The following ASPHD1 variants were observed in gnomAD, a reference collection of about 807,000 sequenced individuals.
ASPHD1 encodes the protein aspartate beta-hydroxylase domain-containing protein 1.
ASPHD1 carries 20 observed loss-of-function variants against 28.3 expected under a neutral mutation model. The ratio of observed to expected loss-of-function variants is 0.71; its 90% CI spans 0.50 to 1.03. ASPHD1 has a LOEUF of 1.03. ASPHD1 is among the 50% of genes least tolerant of loss of function. ASPHD1 has a pLI of 0.00. For synonymous variants in ASPHD1, 240 were observed against 221.2 expected (o/e 1.08, Z -0.75); for missense variants, 479 against 524.1 (o/e 0.91, Z 0.84).
Position 29,917,085 on chromosome 16 carries a change from GTC to G in ASPHD1, c.*63-2445_*63-2444del, listed in dbSNP as rs1597023275. 2.6e-5 allele frequency among the ~76,000 whole-genome samples: 4 copies of G among 152,270 alleles called. No homozygotes were observed. The East Asian group carries it at 7.7e-4, about 29-fold the overall frequency. On this transcript the variant is annotated intron_variant and NMD_transcript_variant, in intron 3 of 3. Transcript: ENST00000414952. ...CTGTCATTTCTGCAATGTCCTATTGGTCATACACAAGGGTCTCCTTGGTGAGG... is the reference window on the plus strand; with the variant it reads ...CTGTCATTTCTGCAATGTCCTATTGGATACACAAGGGTCTCCTTGGTGAGG...
intron 3 of ASPHD1, chr16:29,911,556 T>C (rs1258963763): frequency 1.7e-6 from 1 of 590,118 alleles, no homozygotes; most frequent in East Asian, 2.8e-5. Flanking sequence ...CTCTGCCAGT[T>C]CCTAGAATGA....
intron 1 of ASPHD1, among the ~76,000 whole-genome samples, chr16:29,902,167 C>T (rs1388396743): frequency 6.6e-6 from 1 of 152,178 alleles, no homozygotes; most frequent in African/African-American, 2.4e-5. Flanking sequence ...ACCTTTTGTT[C>T]TACGTATTTA....
downstream of ASPHD1, among the ~76,000 whole-genome samples, chr16:29,909,204 T>C (rs1195075874): frequency 1.3e-5 from 2 of 151,988 alleles, no homozygotes; most frequent in Non-Finnish European, 2.9e-5. Flanking sequence ...CCACCACACA[T>C]GATAAAACAC....
At chr16:29,902,384 G>T (rs1003273799) in intron 1 of ASPHD1, among the ~76,000 whole-genome samples, 3 of 152,164 alleles carry the variant, frequency 2.0e-5, no homozygotes, top group Admixed American at 2.0e-4. Flanking sequence ...AGCTGAGATT[G>T]TGCTACTGCA....
At chr16:29,903,248 C>T (rs967822489) in intron 1 of ASPHD1, among the ~76,000 whole-genome samples, 1 of 151,814 alleles carries the variant, frequency 6.6e-6, no homozygotes, top group South Asian at 2.1e-4. Context: ...CCCAGCTACT[C>T]GGGAGGCCGA....
At chr16:29,911,757 A>C (rs2068714507) in intron 3 of ASPHD1, 1 of 1,588,366 alleles carries the variant, frequency 6.3e-7, no homozygotes, top group African/African-American at 1.3e-5. Context: ...CCTTGGGCAG[A>C]AGCAGGGCTG....
chr16:29,901,781 G>T lies in ASPHD1; in HGVS notation c.810G>T (p.Gly270=), dbSNP rs144488443. 6.4e-7 allele frequency: 1 copy of T among 1,557,874 alleles called. No homozygotes were observed. The highest frequency in any genetic ancestry group is 1.4e-5 in the African/African-American group (1 of 72,748). Residue 270 remains glycine, a synonymous_variant, in exon 1 of 3, where the codon GGG becomes GGT. Coordinates refer to ENST00000308748, the MANE Select transcript of ASPHD1 (RefSeq NM_181718.4). The surrounding 1 kb of genome is among the most constrained non-coding windows in gnomAD (Gnocchi z 5.1). The part of the protein sequence containing the change: ...CQPSNCRRCP[G]AYRALRGLRS... ...CCAGCAACTGCCGCCGGTGCCCGGGGGCCTATCGGGCACTGAGGGGGCTTC... is the reference window on the plus strand; with the variant it reads ...CCAGCAACTGCCGCCGGTGCCCGGGTGCCTATCGGGCACTGAGGGGGCTTC...
Position 29,915,901 on chromosome 16 carries a change from T to G in ASPHD1, c.*63-3630T>G, listed in dbSNP as rs151198254. On this transcript the variant is annotated intron_variant and NMD_transcript_variant, in intron 3 of 3. Coordinates refer to the ASPHD1 transcript ENST00000414952. The stretch of plus-strand genomic sequence containing the variant: ...GCCATTTGTTAATTTTAACATCACT[T>G]GTTATCTGGAAAGGCTGGGAATTTT... 1.1e-4 allele frequency among the ~76,000 whole-genome samples: 17 copies of G among 152,328 alleles called. No homozygotes were observed. In the East Asian group the frequency reaches 3.3e-3, roughly 29 times the overall value.
intron 1 of ASPHD1, among the ~76,000 whole-genome samples, chr16:29,903,379 G>A (rs544245797): frequency 6.6e-6 from 1 of 151,690 alleles, no homozygotes; most frequent in East Asian, 2.0e-4. Context: ...AAAAAATTGT[G>A]TAAAGACAGG....
At chr16:29,904,553 G>A (rs193265933) in intron 1 of ASPHD1, among the ~76,000 whole-genome samples, 2 of 150,022 alleles carry the variant, frequency 1.3e-5, no homozygotes, top group Admixed American at 6.7e-5. Flanking sequence ...CTGGGAAGCA[G>A]AGTGAGCTGA....
chr16:29,909,533 G>A (rs972515905), downstream of ASPHD1, among the ~76,000 whole-genome samples: 6 of 152,162 alleles, frequency 3.9e-5, no homozygotes, highest in Admixed American at 2.0e-4. Context: ...TTTCCAGCCC[G>A]GTACAGTACT....
At chr16:29,918,618 C>T (rs1471381204) in intron 3 of ASPHD1, among the ~76,000 whole-genome samples, 3 of 151,554 alleles carry the variant, frequency 2.0e-5, no homozygotes, top group Non-Finnish European at 4.4e-5. Context: ...CTACAGGCAC[C>T]CACCACCACT....
downstream of ASPHD1, among the ~76,000 whole-genome samples, chr16:29,910,293 G>A (rs2068683362): frequency 6.6e-6 from 1 of 152,012 alleles, no homozygotes; most frequent in Non-Finnish European, 1.5e-5. Context: ...AGCTACTGGG[G>A]AGGCTGAGGC....
Position 29,904,980 on chromosome 16 carries a change from A to C in ASPHD1, c.1063+15A>C. On this transcript the variant is annotated intron_variant, in intron 2 of 2. Transcript: ENST00000308748. The stretch of plus-strand genomic sequence containing the variant: ...GGCTCACAATGGTAACGGGGTGCCC[A>C]TTCTGCAGGGGGGATGAGGGACTCA... The C allele has an allele frequency of 6.3e-7, 1 of 1,590,298 alleles. No homozygotes were observed. Among genetic ancestry groups the C allele is most frequent in the South Asian group, 1.1e-5 (1 of 90,362 alleles).
chr16:29,906,655 C>A, downstream of ASPHD1: 1 of 680,462 alleles, frequency 1.5e-6, no homozygotes, highest in Non-Finnish European at 2.7e-6. Context: ...GTGTTGGCTT[C>A]GGAAGGCTCT....
intron 3 of ASPHD1, chr16:29,911,129 T>C: frequency 6.2e-7 from 1 of 1,614,130 alleles, no homozygotes; most frequent in Middle Eastern, 1.7e-4. Flanking sequence ...CAGGGCCAGC[T>C]TGTCGAACAG....
chr16:29,917,450 C>G (rs1308665211), intron 3 of ASPHD1, among the ~76,000 whole-genome samples: 9 of 151,942 alleles, frequency 5.9e-5, no homozygotes, highest in Admixed American at 5.9e-4. Flanking sequence ...AGTTTGAGAC[C>G]AGCTTGACCA....
chr16:29,909,587 A>G (rs1292618279), downstream of ASPHD1, among the ~76,000 whole-genome samples: 2 of 152,162 alleles, frequency 1.3e-5, no homozygotes, highest in African/African-American at 4.8e-5. Context: ...TGATTGCCAC[A>G]TTAATGACTC....
At chr16:29,915,368 G>A (rs1334330302) in intron 3 of ASPHD1, 1 of 152,244 alleles carries the variant, frequency 6.6e-6, no homozygotes. Flanking sequence ...ATCTCTGCAA[G>A]TGGCCAGGCA....
Sources: gnomAD v4.1 joint callset for allele counts (sites outside exome capture counted in the v4.1 genomes callset) on GRCh38, gnomAD v4.1.1 for gene constraint, Gnocchi (gnomAD v3.1) non-coding constraint, MANE v1.5 for transcripts, NCBI Gene and HGNC (gene_info 2026-07-23, HGNC 2026-07-21) for gene names.